The following MTCH2 variants were observed in gnomAD, a reference collection of about 807,000 sequenced individuals.
The protein encoded by MTCH2 is mitochondrial carrier homolog 2.
In MTCH2, 25 loss-of-function variants were observed where a neutral mutation model predicts 50.6. That is an observed-to-expected ratio of 0.49 (90% CI 0.36 to 0.69). MTCH2 has a LOEUF of 0.69. Among genes scored for constraint, MTCH2 ranks in the 30% least tolerant of loss-of-function variants. MTCH2 has a pLI of 0.00. For synonymous variants in MTCH2, 106 were observed against 132.0 expected (o/e 0.80, Z 1.35); for missense variants, 273 against 384.4 (o/e 0.71, Z 2.42).
intron 4 of MTCH2, 146 bp from the exon 5 acceptor site, chr11:47,634,880 C>A (rs2097307099): frequency 7.9e-6 from 4 of 506,630 alleles, no homozygotes; most frequent in African/African-American, 4.0e-5. Flanking sequence ...ACAAGTGCTT[C>A]TCCTGCCTCA....
intron 10 of MTCH2, 152 bp from the exon 11 acceptor site, chr11:47,625,893 G>C (rs2097297717): frequency 7.2e-6 from 4 of 553,862 alleles, no homozygotes; most frequent in Non-Finnish European, 1.3e-5. Flanking sequence ...TTACAGTTTT[G>C]AGCCTGGAGA....
intron 1 of MTCH2, among the ~76,000 whole-genome samples, chr11:47,641,615 C>G (rs980973865): frequency 3.9e-5 from 6 of 152,222 alleles, no homozygotes; most frequent in African/African-American, 1.4e-4. Context: ...CTTGGCCTAC[C>G]TGCATGTGAA....
At chr11:47,609,626 CAAAAAAA>C in the MTCH2 span, among the ~76,000 whole-genome samples, 100 of 88,164 alleles carry the variant, frequency 1.1e-3, no homozygotes, top group African/African-American at 3.1e-3. Flanking sequence ...GACTCTGTCT[CAAAAAAA>C]AAAAAAAAAA....
the MTCH2 span, among the ~76,000 whole-genome samples, chr11:47,606,897 T>C: frequency 1.3e-5 from 2 of 152,184 alleles, no homozygotes; most frequent in East Asian, 1.9e-4. Context: ...GGCGAGACTG[T>C]AGTTACCAGG....
At chr11:47,640,336 A>C (rs1299736302) in intron 1 of MTCH2, among the ~76,000 whole-genome samples, 1 of 151,620 alleles carries the variant, frequency 6.6e-6, no homozygotes, top group Non-Finnish European at 1.5e-5. Context: ...TCTCAAAAAC[A>C]ACAACAAATA....
At chr11:47,614,524 T>G (rs7103351), downstream of MTCH2, among the ~76,000 whole-genome samples, 149,770 of 152,188 alleles carry the variant, frequency 0.98, 73,725 homozygotes, top group East Asian at 1. Flanking sequence ...TGGAGTGCAA[T>G]GGCACCATTT....
At chr11:47,605,331 A>G in the MTCH2 span, among the ~76,000 whole-genome samples, 7 of 152,098 alleles carry the variant, frequency 4.6e-5, no homozygotes, top group East Asian at 1.9e-4. Context: ...ACCGGTTTCT[A>G]TTCAACCTGA....
intron 2 of MTCH2, 34 bp downstream of exon 2, chr11:47,638,933 G>C: frequency 6.3e-7 from 1 of 1,591,134 alleles, no homozygotes; most frequent in Non-Finnish European, 8.6e-7. Context: ...AGTCCTCAAC[G>C]TCATGCAAAC....
Position 47,634,732 on chromosome 11 carries a change from C to G in MTCH2, c.309G>C (p.Glu103Asp). The change falls in exon 5 of 13, where the codon GAG becomes GAC. Residue 103 changes from glutamate to aspartate, a missense_variant and splice_region_variant. Physicochemically the swap from Glu to Asp is conservative, Grantham distance 45 (BLOSUM62 2). Transcript: ENST00000302503. ...QHYQESDKGE[E>D]LGPGNVQKEV... ...CTTTCTGTACATTTCCAGGTCCTAA[C>G]TCCTGGAAATCAAAATCAAAGAAAA... The G allele has an allele frequency of 1.3e-6, 2 of 1,583,440 alleles. No individual in the cohort carries two copies. Among genetic ancestry groups the G allele is most frequent in the Non-Finnish European group, 1.7e-6 (2 of 1,163,716 alleles).
At chr11:47,630,015 CTTAT>C (rs1390218553) in intron 8 of MTCH2, among the ~76,000 whole-genome samples, 5 of 151,668 alleles carry the variant, frequency 3.3e-5, no homozygotes, top group South Asian at 4.2e-4. Context: ...AAAGAAATTC[CTTAT>C]TTATTTATTA....
chr11:47,626,833 G>A (rs1030412786), intron 10 of MTCH2, among the ~76,000 whole-genome samples: 11 of 151,774 alleles, frequency 7.2e-5, no homozygotes, highest in Non-Finnish European at 1.3e-4. Flanking sequence ...GGCTGGTCTC[G>A]AACTCCTGAC....
rs749282450 is a variant in MTCH2, at chr11:47,634,653, G to A, written c.369+19C>T. On this transcript the variant is annotated intron_variant, in intron 5 of 12. Transcript: ENST00000302503. ...AGTTTGATCTGGGCAAACAGCACAG[G>A]ATGTAATTCATCTCTTACCTCCTTG... is the stretch of plus-strand genomic sequence containing the variant. 8 of 1,592,706 alleles carry A rather than the reference G, an allele frequency of 5.0e-6. No individual in the cohort carries two copies. The African/African-American group carries it at 5.4e-5, about 11-fold the overall frequency.
intron 11 of MTCH2, among the ~76,000 whole-genome samples, chr11:47,623,754 T>G (rs112255182): frequency 2.6e-5 from 4 of 152,266 alleles, no homozygotes; most frequent in African/African-American, 9.6e-5. Flanking sequence ...AATTTTGAAT[T>G]AAACAAAAAA....
intron 12 of MTCH2, among the ~76,000 whole-genome samples, chr11:47,620,071 C>A (rs574933703): frequency 1.3e-5 from 2 of 151,220 alleles, no homozygotes; most frequent in East Asian, 3.9e-4. Context: ...AGCAAGCCTC[C>A]GTCTCAAACA....
chr11:47,628,094 G>T (rs922439151), intron 9 of MTCH2, among the ~76,000 whole-genome samples: 1 of 152,070 alleles, frequency 6.6e-6, no homozygotes, highest in African/African-American at 2.4e-5. Flanking sequence ...CTGTACTCAA[G>T]AGGTTTACAA....
chr11:47,633,526 A>ATATATATATTTTTTTTTT (rs1378774715), intron 5 of MTCH2, among the ~76,000 whole-genome samples: 3 of 35,076 alleles, frequency 8.6e-5, no homozygotes, highest in Admixed American at 4.5e-4. Flanking sequence ...ATATATATAT[A>ATATATATATTTTTTTTTT]TTTTTTTTTT....
At chr11:47,611,216 T>A in the MTCH2 span, among the ~76,000 whole-genome samples, 1 of 152,354 alleles carries the variant, frequency 6.6e-6, no homozygotes. Flanking sequence ...GCTACTCACT[T>A]AATGACTGAC....
the MTCH2 span, among the ~76,000 whole-genome samples, chr11:47,605,878 G>A: frequency 1.4e-4 from 22 of 152,012 alleles, no homozygotes; most frequent in Non-Finnish European, 1.3e-4. Context: ...CATTTTCGCC[G>A]CATCTTGTTC....
chr11:47,631,616 GT>G, intron 6 of MTCH2, 37 bp downstream of exon 6: 1 of 1,606,936 alleles, frequency 6.2e-7, no homozygotes, highest in Non-Finnish European at 8.5e-7. Context: ...GAGAGATCAG[GT>G]TATAAAAGAA....
Sources: allele counts gnomAD v4.1 joint callset (sites outside exome capture counted in the v4.1 genomes callset), GRCh38; gene constraint gnomAD v4.1.1; transcripts MANE v1.5; gene names NCBI Gene and HGNC (gene_info 2026-07-23, HGNC 2026-07-21).